EIF3H: variants seen among roughly 807,000 people sequenced by gnomAD.
EIF3H encodes the protein eIF-3-gamma.
EIF3H carries 26 observed loss-of-function variants against 44.2 expected under a neutral mutation model. The ratio of observed to expected loss-of-function variants is 0.59; its 90% CI spans 0.43 to 0.82. EIF3H has a LOEUF of 0.82. EIF3H is among the 40% of genes least tolerant of loss of function. The probability of loss-of-function intolerance (pLI) is 0.00; values close to 1 mark genes in which losing one functional copy is unlikely to be tolerated. For synonymous variants in EIF3H, 166 were observed against 151.9 expected (o/e 1.09, Z -0.68); for missense variants, 359 against 432.8 (o/e 0.83, Z 1.51).
At chr8:116,656,039 G>T in intron 4 of EIF3H, 34 bp from the exon 5 acceptor site, 2 of 1,601,504 alleles carry the variant, frequency 1.2e-6, no homozygotes, top group South Asian at 1.1e-5. Context: ...TTAGTCTGAT[G>T]GTCAAAAGTA....
chr8:116,713,864 T>C (rs1457517831), intron 2 of EIF3H, among the ~76,000 whole-genome samples: 1 of 152,070 alleles, frequency 6.6e-6, no homozygotes, highest in African/African-American at 2.4e-5. Flanking sequence ...GGGAATTATA[T>C]CATAATTCAG....
Position 116,680,847 on chromosome 8 carries a change from TA to T in EIF3H, c.290-21868del, listed in dbSNP as rs11369606. Reference sequence around the variant, plus strand: ...ATAAAAAAAAATAATAATAAATAAATAAAAAAAAAGAAAGTTAGCAAAATGT... The same window carrying T: ...ATAAAAAAAAATAATAATAAATAAATAAAAAAAAGAAAGTTAGCAAAATGT... On this transcript the variant is annotated intron_variant, in intron 2 of 7. Transcript: ENST00000521861. Among the ~76,000 whole-genome samples, 4 of 81,268 alleles carry T rather than the reference TA, an allele frequency of 4.9e-5. No homozygotes were observed. The East Asian group carries it at 7.4e-4, about 15-fold the overall frequency. 53.3% of individuals were successfully genotyped at this position (81,268 alleles called of 152,430 possible).
intron 2 of EIF3H, among the ~76,000 whole-genome samples, chr8:116,672,623 CTA>C (rs1230032484): frequency 6.6e-6 from 1 of 151,332 alleles, no homozygotes; most frequent in Non-Finnish European, 1.5e-5. Context: ...GAGTGAAACC[CTA>C]TCTCTTAAAA....
At chr8:116,751,429 G>A (rs1395587682) in intron 1 of EIF3H, among the ~76,000 whole-genome samples, 1 of 152,148 alleles carries the variant, frequency 6.6e-6, no homozygotes, top group East Asian at 1.9e-4. Context: ...CATAGTCCCT[G>A]CCCTCAGTAG....
chr8:116,755,546 G>A (rs750504441), intron 1 of EIF3H, 120 bp downstream of exon 1: 640 of 1,356,340 alleles, frequency 4.7e-4, no homozygotes, highest in Non-Finnish European at 4.3e-4. Context: ...ACGTACTAGG[G>A]AAAAACTTTG....
chr8:116,732,039 G>A (rs1215302421), intron 1 of EIF3H, among the ~76,000 whole-genome samples: 3 of 152,038 alleles, frequency 2.0e-5, no homozygotes, highest in African/African-American at 7.3e-5. Flanking sequence ...TCTCAAGTTG[G>A]GCAGATCTTC....
chr8:116,698,923 A>C (rs1326647941), intron 2 of EIF3H, among the ~76,000 whole-genome samples: 1 of 152,158 alleles, frequency 6.6e-6, no homozygotes, highest in African/African-American at 2.4e-5. Flanking sequence ...CAAGACAGGC[A>C]GATCTTTGAG....
chr8:116,756,513 T>C (rs1367418200), upstream of EIF3H, among the ~76,000 whole-genome samples: 1 of 152,244 alleles, frequency 6.6e-6, no homozygotes, highest in Admixed American at 6.5e-5. Flanking sequence ...ATGACAACTG[T>C]AAGAAGCCAT....
At chr8:116,720,100 G>A (rs546751465) in intron 2 of EIF3H, among the ~76,000 whole-genome samples, 6 of 152,150 alleles carry the variant, frequency 3.9e-5, no homozygotes, top group African/African-American at 1.4e-4. Flanking sequence ...CTTCAACTGT[G>A]CAGATTAACA....
chr8:116,708,559 C>T (rs758771756), intron 2 of EIF3H, among the ~76,000 whole-genome samples: 7 of 151,994 alleles, frequency 4.6e-5, no homozygotes, highest in Non-Finnish European at 1.0e-4. Context: ...ATTTCAAGTT[C>T]AAAGGCCAAG....
chr8:116,755,691 A>G lies in EIF3H; in HGVS notation c.107T>C (p.Val36Ala). ...KGKGGSGDSAVKQVQIDGLVV... is the reference protein window; with the variant it reads ...KGKGGSGDSAAKQVQIDGLVV... ...AAGGCCATCTATCTGCACTTGCTTC[A>G]CGGCTGAATCTCCCGAGCCGCCTTT... Residue 36 changes from valine to alanine, a missense_variant, in exon 1 of 8, where the codon GTG becomes GCG. Val to Ala is a moderately conservative substitution (Grantham distance 64, BLOSUM62 0). Around this residue, in one of 5 missense-constraint regions of EIF3H, gnomAD observed 91 missense variants for 164.6 expected, o/e 0.55. Coordinates refer to ENST00000521861, the MANE Select transcript of EIF3H (RefSeq NM_003756.3). 1 of 1,614,128 alleles carries G rather than the reference A, an allele frequency of 6.2e-7. No individual in the cohort carries two copies. The highest frequency in any genetic ancestry group is 8.5e-7 in the Non-Finnish European group (1 of 1,180,026).
At position 116,723,813 on chromosome 8, in the gene EIF3H, C is replaced by T. The variant is rs576574252; in HGVS notation, c.289+2203G>A. Reference sequence around the variant, plus strand: ...ACACTCGTAAACTGAAACTACAAAACGCTGCTAAAAGATGATGTATATAAA... The same window carrying T: ...ACACTCGTAAACTGAAACTACAAAATGCTGCTAAAAGATGATGTATATAAA... On this transcript the variant is annotated intron_variant, in intron 2 of 7. Transcript: ENST00000521861. Among the ~76,000 whole-genome samples, 11 of 152,202 alleles carry T rather than the reference C, an allele frequency of 7.2e-5. No homozygotes were observed. The East Asian group carries it at 1.5e-3, about 21-fold the overall frequency.
At chr8:116,701,015 C>G (rs1301809784) in intron 2 of EIF3H, among the ~76,000 whole-genome samples, 1 of 151,836 alleles carries the variant, frequency 6.6e-6, no homozygotes, top group African/African-American at 2.4e-5. Context: ...TTCTCCAAAG[C>G]CAGAAAGAAA....
intron 2 of EIF3H, among the ~76,000 whole-genome samples, chr8:116,685,240 G>T (rs1814056212): frequency 6.6e-6 from 1 of 152,156 alleles, no homozygotes; most frequent in African/African-American, 2.4e-5. Flanking sequence ...AGAACATCTG[G>T]TGAAACGTGT....
At chr8:116,762,671 C>A (rs886629040) in intron 1 of EIF3H, among the ~76,000 whole-genome samples, 1 of 152,174 alleles carries the variant, frequency 6.6e-6, no homozygotes, top group Non-Finnish European at 1.5e-5. Context: ...CTGTGGCTCA[C>A]GCCTGTAATC....
At chr8:116,656,870 A>T (rs1255285602) in intron 4 of EIF3H, among the ~76,000 whole-genome samples, 2 of 152,156 alleles carry the variant, frequency 1.3e-5, no homozygotes, top group Non-Finnish European at 2.9e-5. Flanking sequence ...GGAAAATAAG[A>T]CACACAGCTC....
At chr8:116,674,948 T>C (rs1185381185) in intron 2 of EIF3H, among the ~76,000 whole-genome samples, 3 of 152,206 alleles carry the variant, frequency 2.0e-5, no homozygotes, top group Admixed American at 2.0e-4. Context: ...ACTTCTGCTT[T>C]TTTGTGTTAA....
chr8:116,717,619 A>T (rs1814677216), intron 2 of EIF3H, among the ~76,000 whole-genome samples: 1 of 152,192 alleles, frequency 6.6e-6, no homozygotes, highest in Admixed American at 6.6e-5. Context: ...ACTGACTTCG[A>T]CAAAGCCAAC....
intron 1 of EIF3H, among the ~76,000 whole-genome samples, chr8:116,754,588 C>T (rs1815409586): frequency 6.6e-6 from 1 of 152,152 alleles, no homozygotes; most frequent in African/African-American, 2.4e-5. Context: ...TCATTTAATC[C>T]AAACAACTCT....
Sources: gnomAD v4.1 joint callset for allele counts (sites outside exome capture counted in the v4.1 genomes callset) on GRCh38, gnomAD v4.1.1 for gene constraint, gnomAD v4.1.1 regional missense constraint, MANE v1.5 for transcripts, NCBI Gene and HGNC (gene_info 2026-07-23, HGNC 2026-07-21) for gene names.